SPOCK1: variants seen among roughly 807,000 people sequenced by gnomAD.
SPOCK1 encodes SPARC (osteonectin), cwcv and kazal like domains proteoglycan 1.
SPOCK1 carries 23 observed loss-of-function variants against 55.3 expected under a neutral mutation model. That is an observed-to-expected ratio of 0.42 (90% CI 0.30 to 0.59). The LOEUF is 0.59. Among genes scored for constraint, SPOCK1 ranks in the 20% least tolerant of loss-of-function variants. SPOCK1 has a pLI of 0.22. For missense variants in SPOCK1, 499 were observed against 552.5 expected (o/e 0.90, Z 0.97); for synonymous variants, 226 against 221.0 (o/e 1.02, Z -0.20).
At chr5:137,418,042 A>C (rs1752384793) in intron 2 of SPOCK1, among the ~76,000 whole-genome samples, 1 of 152,102 alleles carries the variant, frequency 6.6e-6, no homozygotes, top group Non-Finnish European at 1.5e-5. Flanking sequence ...CCTATGAGTG[A>C]GAACATGTGG....
intron 3 of SPOCK1, among the ~76,000 whole-genome samples, chr5:137,217,660 A>G (rs1013375327): frequency 6.6e-6 from 1 of 152,214 alleles, no homozygotes; most frequent in African/African-American, 2.4e-5. Flanking sequence ...TGAAGTAAGT[A>G]CTCACTGTAC....
chr5:137,356,834 T>TAGAGAGAGAGAGAG (rs1231164356), intron 2 of SPOCK1, among the ~76,000 whole-genome samples: 12 of 9,462 alleles, frequency 1.3e-3, no homozygotes, highest in Non-Finnish European at 1.8e-3. Context: ...TATATATATA[T>TAGAGAGAGAGAGAG]ATATAGAGAG....
chr5:137,322,738 G>A (rs570438405), intron 2 of SPOCK1, among the ~76,000 whole-genome samples: 1 of 152,102 alleles, frequency 6.6e-6, no homozygotes, highest in South Asian at 2.1e-4. Context: ...AGGAAAAAAG[G>A]AACAAAAACA....
At chr5:136,983,211 A>AC (rs1750767023) in intron 9 of SPOCK1, among the ~76,000 whole-genome samples, 1 of 152,056 alleles carries the variant, frequency 6.6e-6, no homozygotes, top group African/African-American at 2.4e-5. Context: ...TTTGCCTTTT[A>AC]TTTAGTGGAA....
intron 2 of SPOCK1, among the ~76,000 whole-genome samples, chr5:137,291,953 C>T (rs147672549): frequency 5.8e-4 from 88 of 152,264 alleles, no homozygotes; most frequent in African/African-American, 2.0e-3. Context: ...CCACATGGCC[C>T]TATTAGGAAG....
intron 2 of SPOCK1, among the ~76,000 whole-genome samples, chr5:137,324,213 G>A (rs569337061): frequency 1.3e-5 from 2 of 152,210 alleles, no homozygotes; most frequent in East Asian, 1.9e-4. Flanking sequence ...GGGAGGCAGA[G>A]GTGGGTGGAT....
chr5:137,053,868 G>A (rs544916421), intron 6 of SPOCK1, among the ~76,000 whole-genome samples: 1 of 152,256 alleles, frequency 6.6e-6, no homozygotes, highest in South Asian at 2.1e-4. Flanking sequence ...ATCCTCAGCT[G>A]GAAGAGACTG....
chr5:137,008,295 T>TAC (rs141325417), intron 6 of SPOCK1, among the ~76,000 whole-genome samples: 3,826 of 138,354 alleles, frequency 0.028, 85 homozygotes, highest in Middle Eastern at 0.076. Flanking sequence ...TAATAATAAA[T>TAC]ACACACACAC....
At chr5:137,368,085 C>T (rs573456975) in intron 2 of SPOCK1, among the ~76,000 whole-genome samples, 1 of 152,328 alleles carries the variant, frequency 6.6e-6, no homozygotes, top group African/African-American at 2.4e-5. Flanking sequence ...TCCTAGAAGA[C>T]ACACTCACTA....
At chr5:137,349,277 A>G (rs1000136601) in intron 2 of SPOCK1, among the ~76,000 whole-genome samples, 1 of 152,236 alleles carries the variant, frequency 6.6e-6, no homozygotes, top group African/African-American at 2.4e-5. Context: ...CCAATTCTGC[A>G]TATCCTCAGG....
rs553400748 is a variant in SPOCK1, at chr5:137,471,329, TTTTG to T, written c.186+27040_186+27043del. 6.3e-4 allele frequency among the ~76,000 whole-genome samples: 96 copies of T among 152,326 alleles called. 1 individual carries two copies. The highest frequency in any genetic ancestry group is 2.0e-3 in the African/African-American group (82 of 41,574). ...AAATTAGTTGTGTATTTTTATCTTT[TTTTG>T]TTTGTTTGTTTGTTTTTGTTTTGCT... On this transcript the variant is annotated intron_variant, in intron 2 of 10. Coordinates refer to ENST00000394945, the MANE Select transcript of SPOCK1 (RefSeq NM_004598.4).
chr5:137,017,081 A>C (rs1385076313), intron 6 of SPOCK1, among the ~76,000 whole-genome samples: 1 of 152,190 alleles, frequency 6.6e-6, no homozygotes, highest in Non-Finnish European at 1.5e-5. Flanking sequence ...GCCTCACACG[A>C]CCTGCTGAGG....
intron 2 of SPOCK1, among the ~76,000 whole-genome samples, chr5:137,390,462 T>C (rs1430225078): frequency 1.3e-5 from 2 of 152,164 alleles, no homozygotes; most frequent in Non-Finnish European, 2.9e-5. Flanking sequence ...AGGAACACCA[T>C]CTATTTGTCT....
chr5:137,413,659 G>A (rs1308433960), intron 2 of SPOCK1, among the ~76,000 whole-genome samples: 6 of 152,204 alleles, frequency 3.9e-5, no homozygotes, highest in Middle Eastern at 3.4e-3. Context: ...CTGAAGGCAC[G>A]ACCTTTGGAG....
chr5:137,075,695 GGA>G (rs1001952592), intron 5 of SPOCK1, among the ~76,000 whole-genome samples: 1 of 152,170 alleles, frequency 6.6e-6, no homozygotes, highest in Non-Finnish European at 1.5e-5. Context: ...CGAAACCAGT[GGA>G]GAGTCTTGCT....
chr5:137,214,093 A>G, intron 3 of SPOCK1, among the ~76,000 whole-genome samples: 1 of 152,350 alleles, frequency 6.6e-6, no homozygotes, highest in South Asian at 2.1e-4. Context: ...CGAACACATA[A>G]TAAGAGTGAA....
intron 3 of SPOCK1, among the ~76,000 whole-genome samples, chr5:137,232,549 C>T (rs1296720335): frequency 6.6e-6 from 1 of 152,144 alleles, no homozygotes; most frequent in Non-Finnish European, 1.5e-5. Flanking sequence ...TGTGTCTATC[C>T]CCCTGCCAGT....
intron 2 of SPOCK1, among the ~76,000 whole-genome samples, chr5:137,282,538 C>A (rs1191501813): frequency 1.3e-5 from 2 of 152,226 alleles, no homozygotes; most frequent in Non-Finnish European, 2.9e-5. Context: ...TCAGTGGGAA[C>A]AGACCCAGCA....
chr5:136,990,709 AAAC>A (rs1385094437), intron 7 of SPOCK1, among the ~76,000 whole-genome samples: 1 of 152,184 alleles, frequency 6.6e-6, no homozygotes, highest in African/African-American at 2.4e-5. Flanking sequence ...ATGCTTTTGT[AAAC>A]AATATTTTAC....
Sources: gnomAD v4.1 joint callset for allele counts (sites outside exome capture counted in the v4.1 genomes callset) on GRCh38, gnomAD v4.1.1 for gene constraint, MANE v1.5 for transcripts, NCBI Gene and HGNC (gene_info 2026-07-23, HGNC 2026-07-21) for gene names.